ELL: variants seen among roughly 807,000 people sequenced by gnomAD.
ELL encodes the protein elongation factor for RNA polymerase II.
Under a neutral mutation model 64.0 loss-of-function variants are expected in ELL, and 18 were observed. The observed-to-expected ratio is 0.28, with a 90% CI of 0.19 to 0.42. ELL has a LOEUF of 0.42. Ranked by LOEUF, ELL falls within the 10% of genes least tolerant of loss-of-function variation. The probability of loss-of-function intolerance (pLI) is 1.00; values close to 1 mark genes in which losing one functional copy is unlikely to be tolerated. For missense variants in ELL, 797 were observed against 870.4 expected (o/e 0.92, Z 1.06); for synonymous variants, 399 against 376.2 (o/e 1.06, Z -0.70).
At position 18,450,818 on chromosome 19, in the gene ELL, G is replaced by C; in HGVS notation, c.1124C>G (p.Thr375Arg). ...GTGAGTGCTGGAGCTGAGGGTGTCC[G>C]TGCTGGCTGGTGGGCCCGGGGTGGG... The part of the protein sequence containing the change: ...LLPTPGPPAS[T>R]DTLSSSTHLP... The change falls in exon 8 of 12, where the codon ACG becomes AGG. Residue 375 changes from threonine (T) to arginine (R), a missense_variant. Transcript: ENST00000262809. The C allele has an allele frequency of 6.3e-7, 1 of 1,586,134 alleles. No homozygotes were observed. Among genetic ancestry groups the C allele is most frequent in the East Asian group, 2.3e-5 (1 of 44,192 alleles).
chr19:18,484,478 A>T (rs1447019014), intron 1 of ELL, among the ~76,000 whole-genome samples: 1 of 152,150 alleles, frequency 6.6e-6, no homozygotes, highest in African/African-American at 2.4e-5. Flanking sequence ...AAAGAAAAAT[A>T]AAAAATTTAA....
At chr19:18,470,465 C>T (rs1975041864) in intron 2 of ELL, among the ~76,000 whole-genome samples, 1 of 152,232 alleles carries the variant, frequency 6.6e-6, no homozygotes, top group Non-Finnish European at 1.5e-5. Context: ...AAGCCCAGGC[C>T]AGCCCGCCCC....
In ELL at chr19:18,521,539, G is replaced by C. The variant is rs562867710; in HGVS notation, c.135+382C>G. Among the ~76,000 whole-genome samples the C allele has an allele frequency of 5.9e-5, 9 of 152,274 alleles. No individual in the cohort carries two copies. In the East Asian group the frequency reaches 1.7e-3, roughly 29 times the overall value. On this transcript the variant is annotated intron_variant, in intron 1 of 11. Transcript: ENST00000262809. ...AAAGCCCCCAGCTTCCCCCTATCAC[G>C]GTGCCGGGACCGTGCGGCCCACCGC...
intron 1 of ELL, among the ~76,000 whole-genome samples, chr19:18,488,313 T>C (rs1975459498): frequency 6.6e-6 from 1 of 152,046 alleles, no homozygotes; most frequent in Non-Finnish European, 1.5e-5. Flanking sequence ...ACTGGACTCC[T>C]CCCCACCAGC....
chr19:18,498,336 C>T (rs540700059), intron 1 of ELL, among the ~76,000 whole-genome samples: 10 of 152,246 alleles, frequency 6.6e-5, no homozygotes, highest in African/African-American at 1.4e-4. Context: ...AATTAGATTT[C>T]GAGAAGGGCT....
chr19:18,505,015 G>A (rs541080791), intron 1 of ELL, among the ~76,000 whole-genome samples: 1 of 152,320 alleles, frequency 6.6e-6, no homozygotes, highest in South Asian at 2.1e-4. Flanking sequence ...ACTATTCTGG[G>A]CTGCCAGGGC....
intron 1 of ELL, among the ~76,000 whole-genome samples, chr19:18,488,646 G>A (rs930817263): frequency 6.6e-6 from 1 of 152,188 alleles, no homozygotes; most frequent in African/African-American, 2.4e-5. Context: ...GGACCGGGCT[G>A]TGCATCTTGA....
chr19:18,509,117 G>A (rs1297871084), intron 1 of ELL, among the ~76,000 whole-genome samples: 1 of 152,110 alleles, frequency 6.6e-6, no homozygotes, highest in East Asian at 1.9e-4. Context: ...AAGATCTCGG[G>A]AATAATATTT....
intron 6 of ELL, among the ~76,000 whole-genome samples, chr19:18,452,989 G>T (rs943756688): frequency 1.3e-4 from 20 of 152,234 alleles, no homozygotes; most frequent in African/African-American, 4.8e-4. Flanking sequence ...TAAATCAACA[G>T]GCCGGGCGCC....
chr19:18,470,348 C>T (rs1204244648), intron 2 of ELL, among the ~76,000 whole-genome samples: 1 of 152,230 alleles, frequency 6.6e-6, no homozygotes, highest in Non-Finnish European at 1.5e-5. Context: ...AGGGGCCCCC[C>T]CACTGCTCAG....
chr19:18,482,349 GC>G (rs1256035490), intron 1 of ELL, among the ~76,000 whole-genome samples: 1 of 103,056 alleles, frequency 9.7e-6, no homozygotes, highest in Non-Finnish European at 1.7e-5. Flanking sequence ...ACAGGGTCTC[GC>G]CCTGTCACCT....
In ELL at chr19:18,458,254, G is replaced by C. The variant is rs2058024087; in HGVS notation, c.820C>G (p.Pro274Ala). ...TGCTGGTCCCCCTCCGAGTAGCCAG[G>C]CCAGTCCTTCTGCACATCCTTGTAC... is the stretch of plus-strand genomic sequence containing the variant. ...CMYKDVQKDW[P>A]GYSEGDQQLL... The change falls in exon 6 of 12, where the codon CCT becomes GCT. Residue 274 changes from proline to alanine, a missense_variant. Physicochemically the swap from Pro to Ala is conservative, Grantham distance 27. Transcript: ENST00000262809. 2 of 1,612,736 alleles carry C rather than the reference G, an allele frequency of 1.2e-6. No homozygotes were observed. Among genetic ancestry groups the C allele is most frequent in the African/African-American group, 2.7e-5 (2 of 74,926 alleles).
Position 18,450,769 on chromosome 19 carries a change from C to T in ELL, c.1173G>A (p.Pro391=), listed in dbSNP as rs747379445. Residue 391 remains proline, a synonymous_variant, in exon 8 of 12, where the codon CCG becomes CCA. Transcript: ENST00000262809. ...STHLPPRLEP[P]RAHDPLADVS... ...CATCGGCCAGGGGGTCGTGGGCCCT[C>T]GGGGGCTCCAGCCGCGGGGGCAGGT... 1.1e-4 allele frequency: 166 copies of T among 1,579,330 alleles called. No individual in the cohort carries two copies. The highest frequency in any genetic ancestry group is 1.3e-4 in the Non-Finnish European group (147 of 1,162,868).
chr19:18,478,491 T>G (rs940787752), intron 1 of ELL, among the ~76,000 whole-genome samples: 2 of 152,160 alleles, frequency 1.3e-5, no homozygotes, highest in Non-Finnish European at 2.9e-5. Context: ...CCACAAGTCC[T>G]CTCAGGCCCT....
At chr19:18,445,015 TC>T in intron 11 of ELL, 147 bp from the exon 12 acceptor site, 2 of 1,085,242 alleles carry the variant, frequency 1.8e-6, no homozygotes, top group Non-Finnish European at 1.3e-6. Flanking sequence ...TGGGAGTTGG[TC>T]CCCCGCACCT....
chr19:18,443,388 A>C lies in ELL; in HGVS notation c.*1364T>G, dbSNP rs1189445706. 1 of 193,106 alleles carries C rather than the reference A, an allele frequency of 5.2e-6. No individual in the cohort carries two copies. The highest frequency in any genetic ancestry group is 4.8e-5 in the African/African-American group (1 of 20,862). The allele number at this position is 193,106 out of a possible 1,614,324, so 12.0% of individuals were successfully genotyped here. A position where few individuals can be genotyped will look rare whatever the true frequency, so the allele number is the denominator to read the frequency against. On this transcript the variant is annotated 3_prime_UTR_variant, in exon 12 of 12. Transcript: ENST00000262809. ...GCACCCCTCCACCCCCCAGTTTAGA[A>C]AAATAGACATCTGTATTTTTGCATT...
In ELL at chr19:18,443,453, C is replaced by T. The variant is rs935748782; in HGVS notation, c.*1299G>A. The T allele has an allele frequency of 4.3e-6, 1 of 233,256 alleles. No individual in the cohort carries two copies. The highest frequency in any genetic ancestry group is 5.6e-5 in the Admixed American group (1 of 17,778). 14.4% of individuals were successfully genotyped at this position (233,256 alleles called of 1,614,324 possible). A position where few individuals can be genotyped will look rare whatever the true frequency, so the allele number is the denominator to read the frequency against. On this transcript the variant is annotated 3_prime_UTR_variant, in exon 12 of 12. Transcript: ENST00000262809. ...CTGACTGCTGATGGCAGCAGTGACCCCCATGTGATCCCTGGGCCCTGAGTC... is the reference window on the plus strand; with the variant it reads ...CTGACTGCTGATGGCAGCAGTGACCTCCATGTGATCCCTGGGCCCTGAGTC...
chr19:18,511,345 G>T (rs1339212443), intron 1 of ELL, among the ~76,000 whole-genome samples: 2 of 152,078 alleles, frequency 1.3e-5, no homozygotes, highest in African/African-American at 4.8e-5. Context: ...CAGGAGAATT[G>T]CTTCAACCTG....
chr19:18,492,940 C>G (rs1171212395), intron 1 of ELL, among the ~76,000 whole-genome samples: 4 of 152,056 alleles, frequency 2.6e-5, no homozygotes, highest in African/African-American at 9.7e-5. Context: ...TTCATTCCCC[C>G]ACTCCTCTCA....
Sources: gnomAD v4.1 joint callset for allele counts (sites outside exome capture counted in the v4.1 genomes callset) on GRCh38, gnomAD v4.1.1 for gene constraint, MANE v1.5 for transcripts, NCBI Gene and HGNC (gene_info 2026-07-23, HGNC 2026-07-21) for gene names.